SLC1A3: variants seen among roughly 807,000 people sequenced by gnomAD.
The protein encoded by SLC1A3 is solute carrier family 1 member 3, also known as excitatory amino acid transporter 1.
In SLC1A3, 21 loss-of-function variants were observed where a neutral mutation model predicts 48.1. The ratio of observed to expected loss-of-function variants is 0.44; its 90% confidence interval spans 0.31 to 0.63. The LOEUF is 0.63. SLC1A3 is among the 20% of genes least tolerant of loss of function. SLC1A3 has a pLI of 0.08. For synonymous variants in SLC1A3, 239 were observed against 251.4 expected, an observed-to-expected ratio of 0.95 and a Z score of 0.47; for missense variants, 546 against 689.0, an observed-to-expected ratio of 0.79 and a Z score of 2.32.
intron 5 of SLC1A3, among the ~76,000 whole-genome samples, chr5:36,675,506 A>G (rs893370784): frequency 5.9e-5 from 9 of 152,228 alleles, no homozygotes; most frequent in African/African-American, 2.2e-4. Context: ...GAAGGGAAAG[A>G]AAATGTTTCT....
At chr5:36,667,964 T>C (rs1394401336) in intron 3 of SLC1A3, 1 of 152,204 alleles carries the variant, frequency 6.6e-6, no homozygotes, top group East Asian at 1.9e-4. Flanking sequence ...GTTTCTCAAA[T>C]ATGTATTTAG....
At chr5:36,596,687 C>A (rs192462811) in intron 1 of SLC1A3, among the ~76,000 whole-genome samples, 1 of 152,172 alleles carries the variant, frequency 6.6e-6, no homozygotes, top group African/African-American at 2.4e-5. Context: ...GGGTGAGTTC[C>A]ATCTTAAATA....
At chr5:36,618,642 A>C (rs796517542) in intron 2 of SLC1A3, among the ~76,000 whole-genome samples, 8 of 152,352 alleles carry the variant, frequency 5.3e-5, no homozygotes, top group African/African-American at 1.9e-4. Flanking sequence ...AGTAGAACAG[A>C]GGCTCTGAAA....
At chr5:36,666,768 G>C (rs1325345531) in intron 3 of SLC1A3, among the ~76,000 whole-genome samples, 5 of 152,108 alleles carry the variant, frequency 3.3e-5, no homozygotes, top group Admixed American at 3.3e-4. Context: ...TACCATAAGA[G>C]ATCTAATTTA....
intron 1 of SLC1A3, among the ~76,000 whole-genome samples, chr5:36,597,333 G>T (rs1055701308): frequency 8.0e-6 from 1 of 124,416 alleles, no homozygotes; most frequent in South Asian, 2.8e-4. Flanking sequence ...TGCAAGCTCC[G>T]CCTCCCGGGT....
intron 3 of SLC1A3, among the ~76,000 whole-genome samples, chr5:36,657,452 C>T (rs1030512089): frequency 6.6e-6 from 1 of 152,158 alleles, no homozygotes; most frequent in Non-Finnish European, 1.5e-5. Flanking sequence ...GTGTTTAAGG[C>T]TCCATGTCAA....
intron 4 of SLC1A3, among the ~76,000 whole-genome samples, chr5:36,673,112 T>A (rs1028747051): frequency 7.9e-5 from 12 of 152,096 alleles, no homozygotes; most frequent in Non-Finnish European, 1.3e-4. Context: ...TCTATCAAGG[T>A]TGATAGCAAC....
chr5:36,636,323 C>G (rs1376341631), intron 3 of SLC1A3: 1 of 152,050 alleles, frequency 6.6e-6, no homozygotes, highest in East Asian at 1.9e-4. Flanking sequence ...TGGGTAGTAT[C>G]ATCTCAATGA....
At chr5:36,683,600 CAG>C (rs1742524594) in intron 8 of SLC1A3, among the ~76,000 whole-genome samples, 1 of 151,678 alleles carries the variant, frequency 6.6e-6, no homozygotes, top group African/African-American at 2.4e-5. Flanking sequence ...CCCAGCTACT[CAG>C]GGGACTGAGG....
chr5:36,606,624 C>A lies in SLC1A3; in HGVS notation c.-207C>A, dbSNP rs1738950087. 1 of 152,310 alleles carries A rather than the reference C, an allele frequency of 6.6e-6. No homozygotes were observed. Among genetic ancestry groups the A allele is most frequent in the African/African-American group, 2.4e-5 (1 of 41,476 alleles). 9.4% of individuals were successfully genotyped at this position (152,310 alleles called of 1,614,324 possible). A position where few individuals can be genotyped will look rare whatever the true frequency, so the allele number is the denominator to read the frequency against. Reference sequence around the variant, plus strand: ...CAGTTTCAGAGCACATGCACACTGTCAGGGCTAGCCTGCCTGCTTACGCGC... The same window carrying A: ...CAGTTTCAGAGCACATGCACACTGTAAGGGCTAGCCTGCCTGCTTACGCGC... On this transcript the variant is annotated 5_prime_UTR_variant, in exon 1 of 10. Transcript: ENST00000265113.
At chr5:36,600,925 C>G (rs1443468866) in intron 1 of SLC1A3, among the ~76,000 whole-genome samples, 1 of 152,226 alleles carries the variant, frequency 6.6e-6, no homozygotes, top group African/African-American at 2.4e-5. Flanking sequence ...GTGCTCAAGG[C>G]CCAGTTTCCA....
chr5:36,597,918 C>T (rs1357304156), intron 1 of SLC1A3, among the ~76,000 whole-genome samples: 2 of 152,162 alleles, frequency 1.3e-5, no homozygotes, highest in African/African-American at 4.8e-5. Context: ...ATGTTTTCAT[C>T]TCTCTCATGA....
Position 36,659,479 on chromosome 5 carries a change from C to T in SLC1A3, c.320-11550C>T, listed in dbSNP as rs73089413. Among the ~76,000 whole-genome samples, 8 of 152,268 alleles carry T rather than the reference C, an allele frequency of 5.3e-5. No homozygotes were observed. The Middle Eastern group carries it at 0.017, about 326-fold the overall frequency. On this transcript the variant is annotated intron_variant, in intron 3 of 9. Transcript: ENST00000265113. Reference sequence around the variant, plus strand: ...CATGCCACATATTATTAAGGCATCACGTATGTTAATTTATTGAATTCTCAA... The same window carrying T: ...CATGCCACATATTATTAAGGCATCATGTATGTTAATTTATTGAATTCTCAA...
At chr5:36,628,261 C>T (rs1354668940) in intron 2 of SLC1A3, among the ~76,000 whole-genome samples, 1 of 152,052 alleles carries the variant, frequency 6.6e-6, no homozygotes, top group Non-Finnish European at 1.5e-5. Context: ...GTTGCTAAGA[C>T]CCAAGAATTG....
At position 36,676,968 on chromosome 5, in the gene SLC1A3, A is replaced by G. The variant is rs1742235082; in HGVS notation, c.644A>G (p.Asn215Ser). ...ANETLVGAVI[N>S]NVSEAMETLT... is the part of the protein sequence containing the mutation. The stretch of plus-strand genomic sequence containing the variant: ...GAAACGCTTGTGGGTGCTGTGATAA[A>G]CAATGTGTCTGAGGCCATGGAGACT... Residue 215 changes from asparagine (N) to serine (S), a missense_variant, in exon 6 of 10, where the codon AAC becomes AGC. Asn to Ser is a conservative substitution (Grantham distance 46, BLOSUM62 1). Coordinates refer to ENST00000265113, the MANE Select transcript of SLC1A3 (RefSeq NM_004172.5). The G allele has an allele frequency of 2.5e-6, 4 of 1,614,080 alleles. No individual in the cohort carries two copies. In the East Asian group the frequency reaches 6.7e-5, roughly 27 times the overall value.
chr5:36,643,329 G>A (rs1740695875), intron 3 of SLC1A3, among the ~76,000 whole-genome samples: 2 of 152,090 alleles, frequency 1.3e-5, no homozygotes, highest in Admixed American at 1.3e-4. Context: ...CTTATTATCT[G>A]TCTTTTAGTT....
intron 1 of SLC1A3, 152 bp from the exon 2 acceptor site, chr5:36,608,177 C>T (rs936873295): frequency 4.1e-6 from 2 of 487,170 alleles, no homozygotes; most frequent in Non-Finnish European, 7.3e-6. Flanking sequence ...CTAAAATATG[C>T]ACACTGCAAC....
At chr5:36,642,710 C>A (rs537494418) in intron 3 of SLC1A3, among the ~76,000 whole-genome samples, 1 of 152,026 alleles carries the variant, frequency 6.6e-6, no homozygotes, top group African/African-American at 2.4e-5. Context: ...TGGCCATCAC[C>A]CCCCGATTCC....
In SLC1A3 at chr5:36,686,535, G is replaced by A; in HGVS notation, c.*266G>A. ...CCAAGATCACAAATAGTGTTGATCA[G>A]ATCTTACAAGTTTATGTGGCACACA... On this transcript the variant is annotated 3_prime_UTR_variant, in exon 10 of 10. Transcript: ENST00000265113. 2.1e-6 allele frequency: 1 copy of A among 480,696 alleles called. No homozygotes were observed. Among genetic ancestry groups the A allele is most frequent in the South Asian group, 2.3e-5 (1 of 43,962 alleles). The allele number at this position is 480,696 out of a possible 1,614,324, so 29.8% of individuals were successfully genotyped here.
Sources: gnomAD v4.1 joint callset for allele counts (sites outside exome capture counted in the v4.1 genomes callset) on GRCh38, gnomAD v4.1.1 for gene constraint, MANE v1.5 for transcripts, NCBI Gene and HGNC (gene_info 2026-07-23, HGNC 2026-07-21) for gene names.